The following EPHA6 variants were observed in gnomAD, a reference collection of about 807,000 sequenced individuals.
EPHA6 encodes the protein EPH receptor A6, also known as ephrin type-A receptor 6.
EPHA6 carries 50 observed loss-of-function variants against 112.0 expected under a neutral mutation model. The observed-to-expected ratio is 0.45, with a 90% CI of 0.36 to 0.56. The LOEUF (loss-of-function observed/expected upper bound fraction) is 0.56, where lower values mean the gene tolerates loss of function less well. Among genes scored for constraint, EPHA6 ranks in the 20% least tolerant of loss-of-function variants. The pLI is 0.00. For missense variants in EPHA6, 1,280 were observed against 1,417.4 expected, an observed-to-expected ratio of 0.90 and a Z score of 1.56; for synonymous variants, 529 against 490.7, an observed-to-expected ratio of 1.08 and a Z score of -1.03.
chr3:97,640,596 C>G (rs1182569165), intron 14 of EPHA6, among the ~76,000 whole-genome samples: 1 of 151,616 alleles, frequency 6.6e-6, no homozygotes, highest in Non-Finnish European at 1.5e-5. Flanking sequence ...TATGGAGAAA[C>G]CCCATCTCTA....
chr3:97,369,912 T>C (rs1436876787), intron 5 of EPHA6, among the ~76,000 whole-genome samples: 1 of 152,212 alleles, frequency 6.6e-6, no homozygotes, highest in African/African-American at 2.4e-5. Context: ...TTCAATCTTT[T>C]ATTCTTTCCA....
rs1559718504 is a variant in EPHA6, at chr3:97,085,927, T to TTGTATATATATATATATATATATATA, written c.1114+97934_1114+97935insTGTATATATATATATATATATATATA. ...TTTGTGAGCTTTTATATATATGATG[T>TTGTATATATATATATATATATATATA]CATATATATATATATATATATACAC... On this transcript the variant is annotated intron_variant, in intron 3 of 17. Transcript: ENST00000389672. Among the ~76,000 whole-genome samples, 33 of 103,950 alleles carry TTGTATATATATATATATATATATATA rather than the reference T, an allele frequency of 3.2e-4. 1 individual carries two copies. The highest frequency in any genetic ancestry group is 2.7e-3 in the African/African-American group (29 of 10,750). The allele number at this position is 103,950 out of a possible 152,430, so 68.2% of individuals were successfully genotyped here.
intron 3 of EPHA6, among the ~76,000 whole-genome samples, chr3:97,219,292 C>T (rs996446220): frequency 2.0e-5 from 3 of 152,164 alleles, no homozygotes; most frequent in African/African-American, 7.2e-5. Context: ...TTAAACCCTA[C>T]ATTTTCCCTC....
intron 14 of EPHA6, among the ~76,000 whole-genome samples, chr3:97,659,601 T>A (rs928246143): frequency 2.6e-5 from 4 of 151,912 alleles, no homozygotes; most frequent in African/African-American, 7.2e-5. Context: ...AACAACCTGA[T>A]TGAACTCTAA....
rs1226817676 is a variant in EPHA6, at chr3:97,645,448, A to G, written c.2784+7366A>G. ...CCAAACACCGCATATTCTCACTCAT[A>G]GGTGGGAATTGAACAATGAGATCAC... On this transcript the variant is annotated intron_variant, in intron 14 of 17. Transcript: ENST00000389672. Among the ~76,000 whole-genome samples the G allele has an allele frequency of 1.1e-3, 161 of 140,900 alleles. 1 individual carries two copies. Among genetic ancestry groups the G allele is most frequent in the African/African-American group, 4.0e-3 (149 of 37,702 alleles). The allele number at this position is 140,900 out of a possible 152,430, so 92.4% of individuals were successfully genotyped here.
At chr3:96,855,736 T>C (rs1441785024) in intron 1 of EPHA6, among the ~76,000 whole-genome samples, 1 of 151,592 alleles carries the variant, frequency 6.6e-6, no homozygotes, top group Non-Finnish European at 1.5e-5. Context: ...CATAAAATTT[T>C]GCATTTTTCA....
chr3:97,466,400 G>C, intron 7 of EPHA6: 1 of 1,608,474 alleles, frequency 6.2e-7, no homozygotes, highest in South Asian at 1.1e-5. Flanking sequence ...ATTTTCTCTT[G>C]GTTCATTATA....
At chr3:97,144,986 C>A (rs926091405) in intron 3 of EPHA6, among the ~76,000 whole-genome samples, 3 of 151,356 alleles carry the variant, frequency 2.0e-5, no homozygotes, top group African/African-American at 7.3e-5. Context: ...TCTATCAATG[C>A]GCTCCTATTT....
intron 5 of EPHA6, among the ~76,000 whole-genome samples, chr3:97,289,032 A>C: frequency 7.0e-6 from 1 of 142,266 alleles, no homozygotes; most frequent in Non-Finnish European, 1.5e-5. Flanking sequence ...CCCATTCTGT[A>C]TGTTGTCTAC....
At chr3:96,897,179 C>T (rs980292964) in intron 2 of EPHA6, among the ~76,000 whole-genome samples, 4 of 150,706 alleles carry the variant, frequency 2.7e-5, no homozygotes, top group African/African-American at 7.4e-5. Flanking sequence ...CATACATATG[C>T]ACATATATAT....
intron 3 of EPHA6, among the ~76,000 whole-genome samples, chr3:97,035,699 G>A (rs9856214): frequency 0.26 from 39,866 of 151,424 alleles, 5,950 homozygotes; most frequent in African/African-American, 0.41. Context: ...ATTTATTGTC[G>A]GAGATCTCTG....
chr3:97,124,579 T>G, intron 3 of EPHA6, among the ~76,000 whole-genome samples: 1 of 152,120 alleles, frequency 6.6e-6, no homozygotes, highest in East Asian at 1.9e-4. Flanking sequence ...CTAATATCTT[T>G]TAGATTAGAG....
At chr3:97,211,382 T>C (rs1490223516) in intron 3 of EPHA6, among the ~76,000 whole-genome samples, 1 of 152,170 alleles carries the variant, frequency 6.6e-6, no homozygotes, top group Non-Finnish European at 1.5e-5. Context: ...TATCTTTTAT[T>C]CCCATTGTCT....
chr3:96,829,949 G>GCGCGCGCGCGCGCGCACACACA (rs373416797), intron 1 of EPHA6, among the ~76,000 whole-genome samples: 4 of 136,032 alleles, frequency 2.9e-5, no homozygotes, highest in African/African-American at 1.2e-4. Context: ...GCGCGCGCGC[G>GCGCGCGCGCGCGCGCACACACA]CACACACACA....
chr3:97,648,261 A>G, intron 14 of EPHA6: 1 of 855,944 alleles, frequency 1.2e-6, no homozygotes, highest in Non-Finnish European at 2.0e-6. Flanking sequence ...TTAACATCTT[A>G]ATTCTGTTTA....
chr3:96,897,552 T>C (rs1006562142), intron 2 of EPHA6, among the ~76,000 whole-genome samples: 2 of 152,222 alleles, frequency 1.3e-5, no homozygotes, highest in Admixed American at 1.3e-4. Context: ...GCAGTCTTCA[T>C]TTAATGTCCT....
intron 13 of EPHA6, among the ~76,000 whole-genome samples, chr3:97,635,339 C>T (rs2093936326): frequency 6.6e-6 from 1 of 152,040 alleles, no homozygotes; most frequent in Admixed American, 6.6e-5. Flanking sequence ...TAATCTAAAT[C>T]TTCAAATGTT....
intron 5 of EPHA6, among the ~76,000 whole-genome samples, chr3:97,360,931 T>C (rs2084339710): frequency 6.6e-6 from 1 of 152,220 alleles, no homozygotes; most frequent in Non-Finnish European, 1.5e-5. Context: ...CCTATGCTTA[T>C]GTTGGCTCTA....
chr3:96,820,336 C>T (rs1430225725), intron 1 of EPHA6, among the ~76,000 whole-genome samples: 1 of 151,876 alleles, frequency 6.6e-6, no homozygotes, highest in Non-Finnish European at 1.5e-5. Context: ...TTAGTAGCAC[C>T]ATGACTAGTG....
Sources: allele counts gnomAD v4.1 joint callset (sites outside exome capture counted in the v4.1 genomes callset), GRCh38; gene constraint gnomAD v4.1.1; transcripts MANE v1.5; gene names NCBI Gene and HGNC (gene_info 2026-07-23, HGNC 2026-07-21).